The following LAMA1 variants were observed in gnomAD, a reference collection of about 807,000 sequenced individuals.
LAMA1 encodes the protein laminin subunit alpha 1.
A neutral mutation model predicts 348.7 loss-of-function variants in LAMA1; 219 were observed. The ratio of observed to expected loss-of-function variants is 0.63; its 90% CI spans 0.56 to 0.70. The LOEUF is 0.70. Among genes scored for constraint, LAMA1 ranks in the 30% least tolerant of loss-of-function variants. The pLI, the probability that LAMA1 is intolerant of heterozygous loss-of-function variation, is 0.00. For synonymous variants in LAMA1, 1,487 were observed against 1,491.0 expected (o/e 1.00, Z 0.06); for missense variants, 3,744 against 3,888.0 (o/e 0.96, Z 0.99).
At chr18:7,095,803 C>T (rs780489934) in intron 1 of LAMA1, among the ~76,000 whole-genome samples, 13 of 152,244 alleles carry the variant, frequency 8.5e-5, no homozygotes, top group Admixed American at 2.0e-4. Context: ...GGCGCTGTGG[C>T]TCACGCCTGT....
intron 3 of LAMA1, among the ~76,000 whole-genome samples, chr18:7,069,168 T>C (rs998045163): frequency 2.6e-5 from 4 of 152,222 alleles, no homozygotes; most frequent in African/African-American, 9.6e-5. Flanking sequence ...CCTGGACTGT[T>C]TGGCAATCCC....
rs184206783 is a variant in LAMA1 at position 7,080,369 on chromosome 18, G to A, written c.150C>T (p.Cys50=). The change falls in exon 2 of 63, where the codon TGC becomes TGT. Residue 50 remains cysteine, a synonymous_variant. Coordinates refer to ENST00000389658, the MANE Select transcript of LAMA1 (RefSeq NM_005559.4). ...TCGEKGPEMF[C]KLVEHVPGRP... ...GACCTGGCACATGCTCCACAAGTTTGCAGAACATCTCCGGCCCCTTCTCGC... is the reference window on the plus strand; with the variant it reads ...GACCTGGCACATGCTCCACAAGTTTACAGAACATCTCCGGCCCCTTCTCGC... 9.3e-6 allele frequency: 15 copies of A among 1,614,270 alleles called. No homozygotes were observed. In the African/African-American group the frequency reaches 1.6e-4, roughly 17 times the overall value.
intron 30 of LAMA1, among the ~76,000 whole-genome samples, chr18:7,001,003 C>T (rs2057805176): frequency 6.6e-6 from 1 of 152,168 alleles, no homozygotes; most frequent in African/African-American, 2.4e-5. Flanking sequence ...ATGTTTATAA[C>T]CTTTTTATGA....
rs112675632 is a variant in LAMA1, at chr18:6,966,417, T to C, written c.6900-120A>G. Reference sequence around the variant, plus strand: ...TAGAGCTATTAGTTCCATACTTTCATAACAAGTGTAGATGATAATATTTAA... The same window carrying C: ...TAGAGCTATTAGTTCCATACTTTCACAACAAGTGTAGATGATAATATTTAA... On this transcript the variant is annotated intron_variant, in intron 48 of 62. Transcript: ENST00000389658. The C allele has an allele frequency of 1.9e-5, 16 of 839,518 alleles. No homozygotes were observed. In the African/African-American group the frequency reaches 2.0e-4, roughly 11 times the overall value. The allele number at this position is 839,518 out of a possible 1,614,324, so 52.0% of individuals were successfully genotyped here.
intron 3 of LAMA1, among the ~76,000 whole-genome samples, chr18:7,052,155 T>G (rs2085991): frequency 0.29 from 43,962 of 152,102 alleles, 8,507 homozygotes; most frequent in African/African-American, 0.56. Flanking sequence ...CTGGCCGGGT[T>G]CAGTGGTTCA....
intron 1 of LAMA1, among the ~76,000 whole-genome samples, chr18:7,101,876 C>T (rs1230091912): frequency 1.3e-5 from 2 of 150,496 alleles, no homozygotes; most frequent in Non-Finnish European, 3.0e-5. Flanking sequence ...GGGGGGTCTC[C>T]CTATGTTGCC....
chr18:7,008,433 A>G, intron 28 of LAMA1, 55 bp downstream of exon 28: 20 of 1,608,710 alleles, frequency 1.2e-5, no homozygotes, highest in Non-Finnish European at 1.7e-5. Context: ...AGTTGCTGTA[A>G]CAAGCACATT....
intron 51 of LAMA1, among the ~76,000 whole-genome samples, chr18:6,962,882 A>G (rs1281802024): frequency 6.6e-6 from 1 of 152,154 alleles, no homozygotes; most frequent in Non-Finnish European, 1.5e-5. Context: ...TGTTCAAGTC[A>G]ATATCATATT....
At chr18:7,067,554 G>A (rs972146279) in intron 3 of LAMA1, among the ~76,000 whole-genome samples, 10 of 152,052 alleles carry the variant, frequency 6.6e-5, no homozygotes, top group African/African-American at 2.2e-4. Context: ...GGAAGGGGGT[G>A]GGGGAGCCTT....
At chr18:6,969,776 G>A (rs1451489747) in intron 48 of LAMA1, among the ~76,000 whole-genome samples, 4 of 152,138 alleles carry the variant, frequency 2.6e-5, no homozygotes, top group Non-Finnish European at 4.4e-5. Flanking sequence ...GTGGAAATCC[G>A]GAGGCAGGCC....
intron 1 of LAMA1, among the ~76,000 whole-genome samples, chr18:7,116,596 C>G: frequency 6.6e-6 from 1 of 152,080 alleles, no homozygotes; most frequent in East Asian, 1.9e-4. Context: ...ACTTTTGACT[C>G]GAATTTTTTT....
intron 1 of LAMA1, among the ~76,000 whole-genome samples, chr18:7,089,886 G>A (rs10853343): frequency 0.69 from 105,413 of 151,950 alleles, 37,022 homozygotes; most frequent in East Asian, 0.85. Context: ...AAGTTGTGGC[G>A]AAATTCATCT....
intron 11 of LAMA1, 136 bp from the exon 12 acceptor site, chr18:7,037,887 T>A: frequency 1.2e-6 from 1 of 849,980 alleles, no homozygotes; most frequent in Non-Finnish European, 1.9e-6. Context: ...ATAACACCTG[T>A]GGCTGCTGAA....
intron 1 of LAMA1, among the ~76,000 whole-genome samples, chr18:7,113,848 G>A (rs2058345050): frequency 6.6e-6 from 1 of 152,132 alleles, no homozygotes; most frequent in African/African-American, 2.4e-5. Flanking sequence ...AGGCCGAGGT[G>A]GGTGGATCAC....
intron 3 of LAMA1, among the ~76,000 whole-genome samples, chr18:7,066,688 C>A (rs1042650467): frequency 3.3e-5 from 5 of 152,078 alleles, no homozygotes; most frequent in Non-Finnish European, 5.9e-5. Flanking sequence ...CAAATAAATT[C>A]TCTGCTATTC....
At chr18:7,001,096 A>G (rs1289099546) in intron 30 of LAMA1, among the ~76,000 whole-genome samples, 3 of 143,858 alleles carry the variant, frequency 2.1e-5, no homozygotes, top group African/African-American at 8.3e-5. Context: ...CTCTGGGCAC[A>G]TATATAGCCA....
At chr18:7,025,929 G>A in intron 17 of LAMA1, 50 bp downstream of exon 17, 4 of 1,576,648 alleles carry the variant, frequency 2.5e-6, no homozygotes, top group Non-Finnish European at 3.4e-6. Context: ...GCATCTGGGT[G>A]GGAATCCTGG....
chr18:7,014,982 GACT>G (rs1335616707), intron 22 of LAMA1, among the ~76,000 whole-genome samples: 5 of 152,090 alleles, frequency 3.3e-5, no homozygotes, highest in Admixed American at 6.5e-5. Context: ...GAGTAGCTGG[GACT>G]ACAGGCGCCC....
intron 39 of LAMA1, among the ~76,000 whole-genome samples, chr18:6,984,079 C>T (rs769388216): frequency 6.6e-6 from 1 of 152,114 alleles, no homozygotes; most frequent in Non-Finnish European, 1.5e-5. Context: ...GGTATGGAGT[C>T]AGAATATTTT....
Sources: gnomAD v4.1 joint callset for allele counts (sites outside exome capture counted in the v4.1 genomes callset) on GRCh38, gnomAD v4.1.1 for gene constraint, MANE v1.5 for transcripts, NCBI Gene and HGNC (gene_info 2026-07-23, HGNC 2026-07-21) for gene names.